The following PDE1C variants were observed in gnomAD, a reference collection of about 807,000 sequenced individuals.
PDE1C encodes the protein dual specificity calcium/calmodulin-dependent 3',5'-cyclic nucleotide phosphodiesterase 1C.
A neutral mutation model predicts 93.1 loss-of-function variants in PDE1C; 62 were observed. The observed-to-expected ratio is 0.67, with a 90% CI of 0.54 to 0.82. The LOEUF (loss-of-function observed/expected upper bound fraction) is 0.82, where lower values mean the gene tolerates loss of function less well. Ranked by LOEUF, PDE1C falls within the 40% of genes least tolerant of loss-of-function variation. The pLI, the probability that PDE1C is intolerant of heterozygous loss-of-function variation, is 0.00. For synonymous variants in PDE1C, 325 were observed against 310.1 expected (o/e 1.05, Z -0.50); for missense variants, 742 against 884.6 (o/e 0.84, Z 2.04).
intron 2 of PDE1C, among the ~76,000 whole-genome samples, chr7:31,958,680 C>A (rs1015418895): frequency 6.6e-6 from 1 of 152,028 alleles, no homozygotes; most frequent in African/African-American, 2.4e-5. Context: ...CACCCAGACA[C>A]AATTCAAAAA....
At chr7:32,331,387 G>C (rs1254387153) in intron 1 of PDE1C, among the ~76,000 whole-genome samples, 2 of 152,202 alleles carry the variant, frequency 1.3e-5, no homozygotes, top group Non-Finnish European at 2.9e-5. Flanking sequence ...GGTTAGTGGG[G>C]AAGACAGACA....
the PDE1C span, among the ~76,000 whole-genome samples, chr7:31,630,954 T>A: frequency 6.6e-6 from 1 of 152,124 alleles, no homozygotes; most frequent in Non-Finnish European, 1.5e-5. Flanking sequence ...AGAAACAGTC[T>A]TTTTAGAGAA....
At chr7:32,259,577 C>T (rs909742485) in intron 1 of PDE1C, among the ~76,000 whole-genome samples, 2 of 152,100 alleles carry the variant, frequency 1.3e-5, no homozygotes, top group African/African-American at 4.8e-5. Context: ...TAATCCAGTT[C>T]TGGCTTAAAA....
At chr7:31,729,330 C>T in the PDE1C span, among the ~76,000 whole-genome samples, 1 of 152,116 alleles carries the variant, frequency 6.6e-6, no homozygotes, top group African/African-American at 2.4e-5. Flanking sequence ...TGCTCTTTAT[C>T]GAAGGCTCTG....
At chr7:32,367,816 G>T (rs1784254407) in intron 1 of PDE1C, among the ~76,000 whole-genome samples, 1 of 152,014 alleles carries the variant, frequency 6.6e-6, no homozygotes, top group Non-Finnish European at 1.5e-5. Context: ...GTTAGCATGT[G>T]CCTGTGGTCC....
At chr7:31,900,461 A>G (rs1474614223) in intron 2 of PDE1C, among the ~76,000 whole-genome samples, 13 of 151,150 alleles carry the variant, frequency 8.6e-5, no homozygotes, top group Non-Finnish European at 1.9e-4. Context: ...GAAAGTTGTG[A>G]AAGTACTACC....
intron 7 of PDE1C, among the ~76,000 whole-genome samples, chr7:31,863,151 G>A (rs1393392680): frequency 6.6e-6 from 1 of 151,880 alleles, no homozygotes; most frequent in Non-Finnish European, 1.5e-5. Flanking sequence ...GATCATTTTT[G>A]TGCCCTTTGA....
At position 32,056,603 on chromosome 7, in the gene PDE1C, G is replaced by A. The variant is rs1310879240; in HGVS notation, c.102-5023C>T. ...TGGGTAACAGCAGTGCCTGCTTTAC[G>A]GGGTGATGTGAGAGTTAAATGTAAT... On this transcript the variant is annotated intron_variant, in intron 1 of 17. Transcript: ENST00000396191. 2.6e-5 allele frequency among the ~76,000 whole-genome samples: 4 copies of A among 152,040 alleles called. No individual in the cohort carries two copies. The East Asian group carries it at 5.8e-4, about 22-fold the overall frequency.
At chr7:31,994,022 T>C (rs1039318641) in intron 2 of PDE1C, among the ~76,000 whole-genome samples, 19 of 152,154 alleles carry the variant, frequency 1.2e-4, no homozygotes, top group Non-Finnish European at 2.6e-4. Context: ...GGAAATTCCA[T>C]GTTGCTACTG....
At chr7:31,755,576 A>AAAAAAC (rs1554320471) in intron 17 of PDE1C, among the ~76,000 whole-genome samples, 4 of 151,888 alleles carry the variant, frequency 2.6e-5, no homozygotes, top group Non-Finnish European at 4.4e-5. Context: ...AGTGTTCAAA[A>AAAAAAC]AAAACAAAAC....
intron 2 of PDE1C, among the ~76,000 whole-genome samples, chr7:31,985,668 G>A (rs1783294146): frequency 6.6e-6 from 1 of 151,960 alleles, no homozygotes; most frequent in Non-Finnish European, 1.5e-5. Flanking sequence ...GAGAACATGT[G>A]GTGGTTGGTT....
chr7:31,940,408 A>G (rs1805659244), intron 2 of PDE1C, among the ~76,000 whole-genome samples: 1 of 152,162 alleles, frequency 6.6e-6, no homozygotes, highest in South Asian at 2.1e-4. Flanking sequence ...ATGATTTTCC[A>G]GTTTTTCTCT....
chr7:31,638,195 G>A, the PDE1C span, among the ~76,000 whole-genome samples: 1 of 152,312 alleles, frequency 6.6e-6, no homozygotes, highest in South Asian at 2.1e-4. Flanking sequence ...AGGAAAACGG[G>A]TGGTATTTTT....
chr7:32,075,899 G>C (rs1796322789), upstream of PDE1C, among the ~76,000 whole-genome samples: 1 of 152,136 alleles, frequency 6.6e-6, no homozygotes, highest in Non-Finnish European at 1.5e-5. Context: ...GAGTGGTACT[G>C]CCTCACCACG....
intron 2 of PDE1C, among the ~76,000 whole-genome samples, chr7:31,890,089 G>C (rs1798439472): frequency 6.6e-6 from 1 of 152,152 alleles, no homozygotes; most frequent in African/African-American, 2.4e-5. Context: ...ATTGGGAAAG[G>C]ATGTTATTAT....
At chr7:31,841,200 C>CCTCTCTCT in intron 9 of PDE1C, among the ~76,000 whole-genome samples, 1 of 40,198 alleles carries the variant, frequency 2.5e-5, no homozygotes, top group East Asian at 6.1e-4. Flanking sequence ...TGTCTCTCTC[C>CCTCTCTCT]CTCTCTCTGT....
intron 1 of PDE1C, among the ~76,000 whole-genome samples, chr7:32,056,502 T>C (rs777863267): frequency 2.6e-5 from 4 of 152,102 alleles, no homozygotes; most frequent in African/African-American, 7.2e-5. Context: ...CTCCAACTTA[T>C]TGTGTCCGAC....
rs183302546 is a variant in PDE1C at position 31,859,679 on chromosome 7, C to G, written c.750+5263G>C. 1.3e-3 allele frequency among the ~76,000 whole-genome samples: 205 copies of G among 152,058 alleles called. 2 individuals are homozygous for G. The highest frequency in any genetic ancestry group is 4.7e-3 in the African/African-American group (197 of 41,524). On this transcript the variant is annotated intron_variant, in intron 7 of 17. Coordinates refer to ENST00000396191, the MANE Select transcript of PDE1C (RefSeq NM_001191057.4). ...ATGATCCCACTACTGGGATGACCCACTAGTGTTAACAAACAAAAACTTCAA... is the reference window on the plus strand; with the variant it reads ...ATGATCCCACTACTGGGATGACCCAGTAGTGTTAACAAACAAAAACTTCAA...
rs79241474 is a variant in PDE1C at position 31,952,986 on chromosome 7, T to C, written c.129-72126A>G. On this transcript the variant is annotated intron_variant, in intron 2 of 17. Coordinates refer to ENST00000396191, the MANE Select transcript of PDE1C (RefSeq NM_001191057.4). Reference sequence around the variant, plus strand: ...AAACATGGATGAGCCTGTAAGTACCTTGATTTGGGAGATTATGTTCATTAT... The same window carrying C: ...AAACATGGATGAGCCTGTAAGTACCCTGATTTGGGAGATTATGTTCATTAT... 9.0e-3 allele frequency among the ~76,000 whole-genome samples: 1,375 copies of C among 152,180 alleles called. 20 individuals carry two copies. Among genetic ancestry groups the C allele is most frequent in the African/African-American group, 0.031 (1,294 of 41,522 alleles).
Sources: gnomAD v4.1 joint callset for allele counts (sites outside exome capture counted in the v4.1 genomes callset) on GRCh38, gnomAD v4.1.1 for gene constraint, MANE v1.5 for transcripts, NCBI Gene and HGNC (gene_info 2026-07-23, HGNC 2026-07-21) for gene names.